The following HECW1 variants were observed in gnomAD, a reference collection of about 807,000 sequenced individuals.
The protein encoded by HECW1 is HECT, C2 and WW domain containing E3 ubiquitin protein ligase 1.
Under a neutral mutation model 182.3 loss-of-function variants are expected in HECW1, and 61 were observed. The ratio of observed to expected loss-of-function variants is 0.33; its 90% CI spans 0.27 to 0.41. The LOEUF (loss-of-function observed/expected upper bound fraction) is 0.41, where lower values mean the gene tolerates loss of function less well. HECW1 is among the 10% of genes least tolerant of loss of function. HECW1 has a pLI of 1.00. For synonymous variants in HECW1, 859 were observed against 832.6 expected (o/e 1.03, Z -0.55); for missense variants, 1,739 against 2,108.9 (o/e 0.82, Z 3.44).
intron 3 of HECW1, among the ~76,000 whole-genome samples, chr7:43,296,715 G>C (rs988551594): frequency 6.6e-6 from 1 of 152,174 alleles, no homozygotes; most frequent in Non-Finnish European, 1.5e-5. Context: ...AGGCTGATGA[G>C]TTCATTTAGA....
At chr7:43,159,908 T>G (rs912680620) in intron 2 of HECW1, among the ~76,000 whole-genome samples, 2 of 152,210 alleles carry the variant, frequency 1.3e-5, no homozygotes, top group African/African-American at 4.8e-5. Context: ...CTCGATGTCC[T>G]GACCTCGTGA....
intron 26 of HECW1, among the ~76,000 whole-genome samples, chr7:43,549,092 A>C (rs949150602): frequency 1.3e-5 from 2 of 152,236 alleles, no homozygotes; most frequent in Non-Finnish European, 2.9e-5. Flanking sequence ...TGTTCAGTGC[A>C]GCCGGACAAA....
intron 14 of HECW1, 135 bp downstream of exon 14, chr7:43,463,934 C>T: frequency 2.1e-6 from 2 of 960,104 alleles, no homozygotes; most frequent in Admixed American, 4.8e-5. Context: ...GGGTGGAGGA[C>T]AGAGGCATGC....
intron 21 of HECW1, among the ~76,000 whole-genome samples, chr7:43,504,391 G>A (rs551776597): frequency 1.3e-5 from 2 of 152,120 alleles, no homozygotes; most frequent in Non-Finnish European, 2.9e-5. Context: ...CCTCATCAAG[G>A]CCTCTGGTTC....
chr7:43,448,400 A>G (rs1026248866), intron 11 of HECW1, among the ~76,000 whole-genome samples: 5 of 152,178 alleles, frequency 3.3e-5, no homozygotes, highest in Non-Finnish European at 1.5e-5. Flanking sequence ...TGTCATTGTT[A>G]TGAGCTCAGG....
chr7:43,311,487 A>G (rs1212330436), intron 3 of HECW1: 19 of 634,302 alleles, frequency 3.0e-5, no homozygotes, highest in Non-Finnish European at 5.3e-5. Flanking sequence ...TTCTGGTATC[A>G]AGTGGGTTAG....
chr7:43,427,240 A>G (rs751479868), intron 8 of HECW1, among the ~76,000 whole-genome samples: 36 of 152,354 alleles, frequency 2.4e-4, no homozygotes, highest in Admixed American at 5.2e-4. Flanking sequence ...TCAGTCAACC[A>G]TATACTACAC....
At chr7:43,361,347 T>C (rs1353193131) in intron 6 of HECW1, among the ~76,000 whole-genome samples, 2 of 152,238 alleles carry the variant, frequency 1.3e-5, no homozygotes, top group African/African-American at 4.8e-5. Context: ...TAAATATTTA[T>C]ATTTTCTTAT....
chr7:43,131,964 C>G (rs897973157), intron 2 of HECW1, among the ~76,000 whole-genome samples: 2 of 152,170 alleles, frequency 1.3e-5, no homozygotes, highest in African/African-American at 4.8e-5. Flanking sequence ...GAAAGGTGGC[C>G]TGGGGGCCTG....
intron 2 of HECW1, among the ~76,000 whole-genome samples, chr7:43,154,085 C>T (rs1210619352): frequency 6.6e-6 from 1 of 152,078 alleles, no homozygotes; most frequent in African/African-American, 2.4e-5. Flanking sequence ...ATGACTGCCT[C>T]CATTTTCTTA....
At chr7:43,408,641 A>G (rs1281304870) in intron 8 of HECW1, among the ~76,000 whole-genome samples, 2 of 152,090 alleles carry the variant, frequency 1.3e-5, no homozygotes, top group African/African-American at 2.4e-5. Context: ...AGCTGGGATC[A>G]TGCCACTGCA....
intron 4 of HECW1, among the ~76,000 whole-genome samples, chr7:43,315,556 C>T (rs184633132): frequency 5.0e-4 from 76 of 151,922 alleles, no homozygotes; most frequent in Non-Finnish European, 8.7e-4. Flanking sequence ...TACAATGGCA[C>T]GATCCCAGCT....
rs1318634832 is a variant in HECW1 at position 43,286,657 on chromosome 7, A to G, written c.28-25106A>G. ...TTTTAAATGATTTTTGTGCCCGGTA[A>G]AAGTTCAAACTGCCACCCACCCCCC... On this transcript the variant is annotated intron_variant, in intron 3 of 29. Transcript: ENST00000395891. 3.3e-5 allele frequency among the ~76,000 whole-genome samples: 5 copies of G among 152,134 alleles called. No individual in the cohort carries two copies. In the East Asian group the frequency reaches 9.6e-4, roughly 29 times the overall value.
chr7:43,532,190 T>C (rs2081019836), intron 24 of HECW1, among the ~76,000 whole-genome samples: 1 of 151,842 alleles, frequency 6.6e-6, no homozygotes, highest in African/African-American at 2.4e-5. Context: ...CCTCTCTTTT[T>C]CTCATCTCTC....
rs889365454 is a variant in HECW1 at position 43,543,119 on chromosome 7, A to C, written c.4248+1121A>C. 2.0e-5 allele frequency among the ~76,000 whole-genome samples: 3 copies of C among 152,384 alleles called. No homozygotes were observed. In the South Asian group the frequency reaches 6.2e-4, roughly 32 times the overall value. ...GGATCAAATGGGTTACAATTTTAAC[A>C]GAAAATAACCATAGCCTGAGTAGAT... is the stretch of plus-strand genomic sequence containing the variant. On this transcript the variant is annotated intron_variant, in intron 26 of 29. Transcript: ENST00000395891.
chr7:43,293,621 T>C (rs184015684), intron 3 of HECW1, among the ~76,000 whole-genome samples: 1 of 152,372 alleles, frequency 6.6e-6, no homozygotes, highest in African/African-American at 2.4e-5. Flanking sequence ...GCGCCATTTC[T>C]TGTAGCTTCA....
At chr7:43,455,770 C>A (rs1584959988) in intron 12 of HECW1, among the ~76,000 whole-genome samples, 1 of 144,850 alleles carries the variant, frequency 6.9e-6, no homozygotes, top group Admixed American at 7.0e-5. Flanking sequence ...GTGGGAAGAT[C>A]ACCTGAGGTC....
intron 9 of HECW1, among the ~76,000 whole-genome samples, chr7:43,441,445 TA>T (rs1306815654): frequency 6.6e-6 from 1 of 152,222 alleles, no homozygotes; most frequent in Non-Finnish European, 1.5e-5. Flanking sequence ...ATTACATATA[TA>T]CCACAAGATA....
intron 5 of HECW1, among the ~76,000 whole-genome samples, chr7:43,345,443 A>G (rs988484774): frequency 1.3e-5 from 2 of 151,680 alleles, no homozygotes; most frequent in Non-Finnish European, 2.9e-5. Flanking sequence ...ATTTTATTTT[A>G]TTTTCCATAA....
Sources: allele counts gnomAD v4.1 joint callset (sites outside exome capture counted in the v4.1 genomes callset), GRCh38; gene constraint gnomAD v4.1.1; transcripts MANE v1.5; gene names NCBI Gene and HGNC (gene_info 2026-07-23, HGNC 2026-07-21).